ATRNL1: variants seen among roughly 807,000 people sequenced by gnomAD.
ATRNL1 encodes the protein attractin-like protein 1.
Under a neutral mutation model 182.7 loss-of-function variants are expected in ATRNL1, and 95 were observed. The observed-to-expected ratio is 0.52, with a 90% confidence interval of 0.44 to 0.62. The LOEUF (loss-of-function observed/expected upper bound fraction) is 0.62. Among genes scored for constraint, ATRNL1 ranks in the 20% least tolerant of loss-of-function variants. The pLI is 0.00. For synonymous variants in ATRNL1, 576 were observed against 568.3 expected, an observed-to-expected ratio of 1.01 and a Z score of -0.19; for missense variants, 1,471 against 1,679.5, an observed-to-expected ratio of 0.88 and a Z score of 2.17.
chr10:115,629,572 A>G (rs1555025743), intron 26 of ATRNL1, among the ~76,000 whole-genome samples: 1 of 152,160 alleles, frequency 6.6e-6, no homozygotes. Flanking sequence ...TCCCAGTGAA[A>G]ATAAATGAGG....
chr10:115,154,157 G>A lies in ATRNL1; in HGVS notation c.830-5883G>A, dbSNP rs561114482. On this transcript the variant is annotated intron_variant, in intron 5 of 28. Coordinates refer to ENST00000355044, the MANE Select transcript of ATRNL1 (RefSeq NM_207303.4). Reference sequence around the variant, plus strand: ...ATGCGGTCAATTTTGGAATAAGTGCGATGTGGTGCTGAGAAGAATGTATCT... The same window carrying A: ...ATGCGGTCAATTTTGGAATAAGTGCAATGTGGTGCTGAGAAGAATGTATCT... 1.7e-3 allele frequency among the ~76,000 whole-genome samples: 254 copies of A among 151,726 alleles called. 1 individual carries two copies. Among genetic ancestry groups the A allele is most frequent in the African/African-American group, 4.4e-3 (182 of 41,326 alleles).
chr10:115,166,371 G>GTACAAC (rs1309703937), intron 7 of ATRNL1, among the ~76,000 whole-genome samples: 2 of 151,838 alleles, frequency 1.3e-5, no homozygotes, highest in East Asian at 3.9e-4. Flanking sequence ...GAACATGTGT[G>GTACAAC]TACAACTATC....
At chr10:115,757,329 C>G (rs1004563661) in intron 27 of ATRNL1, among the ~76,000 whole-genome samples, 1 of 152,156 alleles carries the variant, frequency 6.6e-6, no homozygotes, top group Non-Finnish European at 1.5e-5. Context: ...GTACTTCCTT[C>G]AGGAGCTCTT....
At chr10:115,744,488 A>G (rs7070325) in intron 27 of ATRNL1, among the ~76,000 whole-genome samples, 3,554 of 152,128 alleles carry the variant, frequency 0.023, 123 homozygotes, top group African/African-American at 0.081. Context: ...ACTACACACT[A>G]TTTCTCATGT....
At chr10:115,522,409 C>G (rs2133710883) in intron 25 of ATRNL1, among the ~76,000 whole-genome samples, 1 of 152,176 alleles carries the variant, frequency 6.6e-6, no homozygotes, top group Middle Eastern at 3.4e-3. Context: ...CTCTTGGGAA[C>G]TAATAGAGTG....
At chr10:115,800,078 G>T (rs992540321) in intron 27 of ATRNL1, among the ~76,000 whole-genome samples, 78 of 152,068 alleles carry the variant, frequency 5.1e-4, no homozygotes, top group Non-Finnish European at 4.9e-4. Flanking sequence ...AAATTAGCTG[G>T]ACGTGGTGGT....
intron 14 of ATRNL1, among the ~76,000 whole-genome samples, chr10:115,283,148 TCA>T (rs782275389): frequency 6.6e-6 from 1 of 152,176 alleles, no homozygotes; most frequent in South Asian, 2.1e-4. Flanking sequence ...GTACGGTGTC[TCA>T]CACCTGTAAT....
intron 18 of ATRNL1, among the ~76,000 whole-genome samples, chr10:115,324,228 C>T (rs1414004333): frequency 2.0e-5 from 3 of 151,888 alleles, no homozygotes; most frequent in Non-Finnish European, 2.9e-5. Context: ...AAACCAAGGT[C>T]GGTAGGCCAA....
At chr10:115,178,481 G>T (rs1554887236) in intron 8 of ATRNL1, among the ~76,000 whole-genome samples, 1 of 152,152 alleles carries the variant, frequency 6.6e-6, no homozygotes, top group Non-Finnish European at 1.5e-5. Context: ...TTTTCTGGAA[G>T]TAGTTTTATT....
chr10:115,230,381 A>G (rs1476553928), intron 9 of ATRNL1, among the ~76,000 whole-genome samples: 1 of 152,184 alleles, frequency 6.6e-6, no homozygotes, highest in African/African-American at 2.4e-5. Flanking sequence ...GGAGCGAGCC[A>G]TGCAAATATC....
chr10:115,731,428 A>T (rs1287989128), intron 27 of ATRNL1, among the ~76,000 whole-genome samples: 1 of 152,100 alleles, frequency 6.6e-6, no homozygotes, highest in African/African-American at 2.4e-5. Flanking sequence ...TAATTGTTGC[A>T]ATTCTTACTA....
intron 27 of ATRNL1, among the ~76,000 whole-genome samples, chr10:115,736,175 A>G (rs535404886): frequency 2.6e-5 from 4 of 152,126 alleles, no homozygotes; most frequent in African/African-American, 7.2e-5. Flanking sequence ...ACCTCTTTCC[A>G]TCTTCACAAT....
At chr10:115,900,552 T>A (rs1952324238) in intron 28 of ATRNL1, among the ~76,000 whole-genome samples, 1 of 152,242 alleles carries the variant, frequency 6.6e-6, no homozygotes, top group South Asian at 2.1e-4. Context: ...ATGCTTATAC[T>A]AAGGCTTTAC....
At chr10:115,494,090 T>C (rs1849434950) in intron 24 of ATRNL1, among the ~76,000 whole-genome samples, 1 of 152,152 alleles carries the variant, frequency 6.6e-6, no homozygotes, top group East Asian at 1.9e-4. Context: ...GCTGATAGTT[T>C]CTTTTGTTGG....
intron 27 of ATRNL1, among the ~76,000 whole-genome samples, chr10:115,740,045 A>T (rs940843030): frequency 1.3e-5 from 2 of 152,196 alleles, no homozygotes; most frequent in East Asian, 3.9e-4. Flanking sequence ...GTGAAATACC[A>T]GATATTCAAA....
rs1263406906 is a variant in ATRNL1, at chr10:115,527,130, T to C, written c.3716+7806T>C. On this transcript the variant is annotated intron_variant, in intron 25 of 28. Transcript: ENST00000355044. The stretch of plus-strand genomic sequence containing the variant: ...TCAGAGAGGCACTTTTTTTTTTTTT[T>C]CCCCCCCGAGATAGGGTCTCACTCT... 6.8e-3 allele frequency among the ~76,000 whole-genome samples: 809 copies of C among 118,230 alleles called. 6 individuals are homozygous for C. Among genetic ancestry groups the C allele is most frequent in the Middle Eastern group, 0.017 (4 of 230 alleles). The allele number at this position is 118,230 out of a possible 152,430, so 77.6% of individuals were successfully genotyped here.
At chr10:115,840,545 A>G (rs370654613) in intron 27 of ATRNL1, among the ~76,000 whole-genome samples, 1 of 152,106 alleles carries the variant, frequency 6.6e-6, no homozygotes, top group Admixed American at 6.6e-5. Flanking sequence ...TTTACAGATG[A>G]AGAACTTGAG....
intron 17 of ATRNL1, among the ~76,000 whole-genome samples, chr10:115,307,763 C>T (rs540529703): frequency 6.6e-6 from 1 of 152,014 alleles, no homozygotes. Flanking sequence ...GAAGAAATGC[C>T]AGGAAGTACA....
At chr10:115,529,766 A>G (rs1851455031) in intron 25 of ATRNL1, among the ~76,000 whole-genome samples, 1 of 152,078 alleles carries the variant, frequency 6.6e-6, no homozygotes, top group South Asian at 2.1e-4. Flanking sequence ...TGGTGATATA[A>G]TTCACATATA....
Sources: gnomAD v4.1 joint callset for allele counts (sites outside exome capture counted in the v4.1 genomes callset) on GRCh38, gnomAD v4.1.1 for gene constraint, MANE v1.5 for transcripts, NCBI Gene and HGNC (gene_info 2026-07-23, HGNC 2026-07-21) for gene names.